Variants in SLC39A10 observed in about 807,000 individuals in gnomAD.
SLC39A10 encodes the protein solute carrier family 39 member 10.
A neutral mutation model predicts 65.1 loss-of-function variants in SLC39A10; 13 were observed. That is an observed-to-expected ratio of 0.20 (90% CI 0.13 to 0.32). SLC39A10 has a LOEUF of 0.32. Ranked by LOEUF, SLC39A10 falls within the 10% of genes least tolerant of loss-of-function variation. The pLI, the probability that SLC39A10 is intolerant of heterozygous loss-of-function variation, is 1.00. For synonymous variants in SLC39A10, 321 were observed against 342.2 expected, an observed-to-expected ratio of 0.94 and a Z score of 0.68; for missense variants, 831 against 1,018.4, an observed-to-expected ratio of 0.82 and a Z score of 2.50.
intron 4 of SLC39A10, 129 bp downstream of exon 4, chr2:195,706,914 AT>A (rs1270349635): frequency 1.0e-5 from 6 of 595,374 alleles, no homozygotes; most frequent in South Asian, 8.2e-5. Context: ...AGGATGAAGT[AT>A]TTTTTTCTCC....
At chr2:195,613,533 C>A (rs1490949321) in intron 2 of SLC39A10, among the ~76,000 whole-genome samples, 1 of 152,176 alleles carries the variant, frequency 6.6e-6, no homozygotes, top group African/African-American at 2.4e-5. Context: ...AATCTGTCAA[C>A]AAACTTCTTA....
At chr2:195,724,995 A>G (rs989446303) in intron 8 of SLC39A10, among the ~76,000 whole-genome samples, 2 of 152,154 alleles carry the variant, frequency 1.3e-5, no homozygotes, top group Non-Finnish European at 2.9e-5. Context: ...ATCTTCAACA[A>G]AAGTACAAAG....
chr2:195,679,999 C>T (rs1182027066), intron 1 of SLC39A10, 33 bp from the exon 2 acceptor site: 1 of 1,521,254 alleles, frequency 6.6e-7, no homozygotes, highest in African/African-American at 1.4e-5. Context: ...TAGGTAGAAA[C>T]TAATACTTGT....
At chr2:195,659,502 A>G (rs1246931645) in intron 1 of SLC39A10, among the ~76,000 whole-genome samples, 1 of 152,164 alleles carries the variant, frequency 6.6e-6, no homozygotes, top group East Asian at 1.9e-4. Flanking sequence ...AAAATTCAGC[A>G]TCTGGGATGA....
chr2:195,695,165 C>T (rs965367378), intron 3 of SLC39A10, among the ~76,000 whole-genome samples: 11 of 152,178 alleles, frequency 7.2e-5, no homozygotes, highest in African/African-American at 2.7e-4. Flanking sequence ...CCCCTCCCAC[C>T]TGGCTGTCTC....
intron 9 of SLC39A10, among the ~76,000 whole-genome samples, chr2:195,734,315 C>T (rs1042060557): frequency 4.6e-5 from 7 of 151,964 alleles, no homozygotes; most frequent in Non-Finnish European, 7.4e-5. Flanking sequence ...GGACTACAAG[C>T]GTGCCCCACC....
At chr2:195,695,799 TTGTC>T (rs1323806583) in intron 3 of SLC39A10, among the ~76,000 whole-genome samples, 1 of 152,240 alleles carries the variant, frequency 6.6e-6, no homozygotes, top group African/African-American at 2.4e-5. Context: ...GAAATCCAGT[TTGTC>T]TGTTTTTTTG....
At position 195,680,583 on chromosome 2, in the gene SLC39A10, C is replaced by T. The variant is rs1690264042; in HGVS notation, c.541C>T (p.His181Tyr). ...TGACCATAATCACCGCCTACGTCAT[C>T]ACCATCGTTTGCATCATCATCTTGA... ...MHDHNHRLRH[H>Y]HRLHHHLDHN... Residue 181 changes from histidine (H) to tyrosine (Y), a missense_variant, in exon 2 of 10, where the codon CAC (histidine) becomes TAC (tyrosine). Transcript: ENST00000359634. The T allele has an allele frequency of 2.5e-6, 4 of 1,614,044 alleles. No homozygotes were observed. The highest frequency in any genetic ancestry group is 3.4e-6 in the Non-Finnish European group (4 of 1,180,040).
chr2:195,722,284 T>A lies in SLC39A10; in HGVS notation c.2146+3952T>A, dbSNP rs184238992. ...TAGAAAATGTGCATTTTTCCTAATGTTAAATTGATGTAAACTATACCATAC... is the reference window on the plus strand; with the variant it reads ...TAGAAAATGTGCATTTTTCCTAATGATAAATTGATGTAAACTATACCATAC... On this transcript the variant is annotated intron_variant, in intron 8 of 9. Transcript: ENST00000359634. Among the ~76,000 whole-genome samples the A allele has an allele frequency of 2.6e-5, 4 of 152,264 alleles. No homozygotes were observed. In the East Asian group the frequency reaches 7.7e-4, roughly 29 times the overall value.
chr2:195,624,710 A>G (rs564052452), intron 2 of SLC39A10, among the ~76,000 whole-genome samples: 80 of 150,810 alleles, frequency 5.3e-4, no homozygotes, highest in African/African-American at 1.9e-3. Flanking sequence ...CCCCACCTCT[A>G]CTAAAAGTAC....
intron 3 of SLC39A10, among the ~76,000 whole-genome samples, chr2:195,705,875 T>C (rs750714944): frequency 1.1e-4 from 17 of 152,188 alleles, no homozygotes; most frequent in Non-Finnish European, 2.5e-4. Context: ...AAGACATGTA[T>C]ACAGAATTCC....
At chr2:195,614,313 T>C (rs567522373) in intron 2 of SLC39A10, among the ~76,000 whole-genome samples, 87 of 152,308 alleles carry the variant, frequency 5.7e-4, no homozygotes, top group South Asian at 4.8e-3. Context: ...AAGTTTTCAT[T>C]TTTGTTTGTA....
intron 2 of SLC39A10, among the ~76,000 whole-genome samples, chr2:195,619,593 T>G (rs191909226): frequency 6.6e-6 from 1 of 152,322 alleles, no homozygotes; most frequent in East Asian, 1.9e-4. Flanking sequence ...ACACGAGGAA[T>G]GTACTCAAGG....
chr2:195,654,619 T>A (rs1447623175), upstream of SLC39A10, among the ~76,000 whole-genome samples: 1,473 of 152,314 alleles, frequency 9.7e-3, 24 homozygotes, highest in African/African-American at 0.033. Context: ...AAATCATTTA[T>A]ACTATTTTTA....
At chr2:195,678,934 C>T (rs1234937241) in intron 1 of SLC39A10, among the ~76,000 whole-genome samples, 1 of 152,124 alleles carries the variant, frequency 6.6e-6, no homozygotes, top group Non-Finnish European at 1.5e-5. Flanking sequence ...TTCAGAATTA[C>T]ATAATTGGCT....
chr2:195,696,974 A>C (rs549214405), intron 3 of SLC39A10, among the ~76,000 whole-genome samples: 1 of 152,272 alleles, frequency 6.6e-6, no homozygotes, highest in East Asian at 1.9e-4. Flanking sequence ...AGGATTTTCT[A>C]TTCGTTATTC....
At chr2:195,681,173 C>T in intron 2 of SLC39A10, 123 bp downstream of exon 2, 1 of 936,038 alleles carries the variant, frequency 1.1e-6, no homozygotes, top group South Asian at 1.8e-5. Flanking sequence ...ATATGTTTAC[C>T]TATGAAATAT....
intron 2 of SLC39A10, among the ~76,000 whole-genome samples, chr2:195,616,133 T>G (rs1017044081): frequency 6.6e-6 from 1 of 152,086 alleles, no homozygotes; most frequent in Non-Finnish European, 1.5e-5. Flanking sequence ...TTTTGTATTT[T>G]CAGTAGAGAC....
At chr2:195,682,120 AC>A (rs1200642169) in intron 2 of SLC39A10, among the ~76,000 whole-genome samples, 1 of 152,166 alleles carries the variant, frequency 6.6e-6, no homozygotes, top group Non-Finnish European at 1.5e-5. Flanking sequence ...TTTCTTTTTA[AC>A]TATTCACCTT....
Sources: allele counts gnomAD v4.1 joint callset (sites outside exome capture counted in the v4.1 genomes callset), GRCh38; gene constraint gnomAD v4.1.1; transcripts MANE v1.5; gene names NCBI Gene and HGNC (gene_info 2026-07-23, HGNC 2026-07-21).